UFSP2: variants seen among roughly 807,000 people sequenced by gnomAD.
The protein encoded by UFSP2 is UFM1 specific peptidase 2.
UFSP2 carries 43 observed loss-of-function variants against 60.2 expected under a neutral mutation model. The observed-to-expected ratio is 0.71, with a 90% CI of 0.56 to 0.92. UFSP2 has a LOEUF of 0.92. UFSP2 is among the 40% of genes least tolerant of loss of function. The pLI, the probability that UFSP2 is intolerant of heterozygous loss-of-function variation, is 0.00. For missense variants in UFSP2, 520 were observed against 575.0 expected, an observed-to-expected ratio of 0.90 and a Z score of 0.98; for synonymous variants, 183 against 195.1, an observed-to-expected ratio of 0.94 and a Z score of 0.52.
Position 185,399,618 on chromosome 4 carries a change from T to A in UFSP2, c.*774A>T. The A allele has an allele frequency of 6.2e-7, 1 of 1,614,218 alleles. No homozygotes were observed. Among genetic ancestry groups the A allele is most frequent in the Non-Finnish European group, 8.5e-7 (1 of 1,180,028 alleles). The stretch of plus-strand genomic sequence containing the variant: ...CAGCTGAAGATCTCGCTTGGTCATG[T>A]GGATTTCCAGACTGTGCCAAGTTTC... On this transcript the variant is annotated 3_prime_UTR_variant, in exon 12 of 12. Transcript: ENST00000264689.
At position 185,399,831 on chromosome 4, in the gene UFSP2, C is replaced by T; in HGVS notation, c.*561G>A. 6.2e-7 allele frequency: 1 copy of T among 1,603,058 alleles called. No individual in the cohort carries two copies. On this transcript the variant is annotated 3_prime_UTR_variant, in exon 12 of 12. Transcript: ENST00000264689. ...CCGCAGTGATCTCTTGTTTGCATAG[C>T]ATTTATTATTCCATTTAATACTGAC...
intron 1 of UFSP2, among the ~76,000 whole-genome samples, chr4:185,424,100 G>C (rs7695596): frequency 0.018 from 2,763 of 149,868 alleles, 93 homozygotes; most frequent in African/African-American, 0.065. Flanking sequence ...CCAGGAGTTA[G>C]AGACCAGACT....
At chr4:185,411,302 A>G (rs1313461996) in intron 7 of UFSP2, among the ~76,000 whole-genome samples, 1 of 152,174 alleles carries the variant, frequency 6.6e-6, no homozygotes, top group East Asian at 1.9e-4. Flanking sequence ...GCTACGCCAA[A>G]ATTGTTTTAC....
chr4:185,415,452 C>T, intron 5 of UFSP2, 105 bp from the exon 6 acceptor site: 3 of 1,012,162 alleles, frequency 3.0e-6, no homozygotes, highest in Non-Finnish European at 4.1e-6. Flanking sequence ...CTTGATTGGA[C>T]CAGGTTTGCT....
intron 4 of UFSP2, among the ~76,000 whole-genome samples, chr4:185,416,281 A>G (rs1230605546): frequency 6.6e-6 from 1 of 152,252 alleles, no homozygotes; most frequent in Non-Finnish European, 1.5e-5. Context: ...GGTTCGTTAC[A>G]TGATTCTCTC....
chr4:185,423,102 G>A (rs1224127051), intron 1 of UFSP2, among the ~76,000 whole-genome samples: 4 of 152,146 alleles, frequency 2.6e-5, no homozygotes, highest in Non-Finnish European at 5.9e-5. Context: ...CAAGTGATCC[G>A]CCTGTCTCGG....
In UFSP2 at chr4:185,425,315, T is replaced by C. The variant is rs141431217; in HGVS notation, c.3+551A>G. ...AGTTTGGAACTTGCTGAGCTTGAAA[T>C]ACATATGAGCTATCCAAGTGGAGGC... On this transcript the variant is annotated intron_variant, in intron 1 of 11. Transcript: ENST00000264689. Among the ~76,000 whole-genome samples, 15 of 152,140 alleles carry C rather than the reference T, an allele frequency of 9.9e-5. No homozygotes were observed. In the East Asian group the frequency reaches 2.9e-3, roughly 29 times the overall value.
chr4:185,424,397 G>T (rs978963048), intron 1 of UFSP2, among the ~76,000 whole-genome samples: 5 of 152,084 alleles, frequency 3.3e-5, no homozygotes, highest in African/African-American at 1.2e-4. Flanking sequence ...TATTAAATAG[G>T]TACCAATACA....
rs1430960179 is a variant in UFSP2, at chr4:185,422,548, T to C, written c.19A>G (p.Met7Val). ...CCTCTTATTCTGAAGAGTATATCCA[T>C]ACTTTCTGAAATCACCTAGAACAAA... MVISES[M>V]DILFRIRGGL... Residue 7 changes from methionine (M) to valine (V), a missense_variant, in exon 2 of 12, where the codon ATG becomes GTG. Physicochemically the swap from Met to Val is conservative, Grantham distance 21 (BLOSUM62 1). Transcript: ENST00000264689. 2 of 1,608,630 alleles carry C rather than the reference T, an allele frequency of 1.2e-6. No individual in the cohort carries two copies. The highest frequency in any genetic ancestry group is 1.7e-5 in the Admixed American group (1 of 58,416).
rs150505755 is a variant in UFSP2 at position 185,408,017 on chromosome 4, G to A, written c.1040C>T (p.Ser347Leu). The A allele has an allele frequency of 6.2e-6, 10 of 1,613,874 alleles. No homozygotes were observed. The highest frequency in any genetic ancestry group is 1.3e-5 in the African/African-American group (1 of 75,018). The change falls in exon 9 of 12, where the codon TCG becomes TTG. Residue 347 changes from serine (S) to leucine (L), a missense_variant. By Grantham distance (145) the Ser-to-Leu change is moderately radical. Transcript: ENST00000264689. ...AGDKPATFVGSRQWIGSIEVQ... is the reference protein window; with the variant it reads ...AGDKPATFVGLRQWIGSIEVQ... ...CTCAATAGATCCAATCCATTGCCGCGATCCGACAAATGTTGCTGGTTTGTC... is the reference window on the plus strand; with the variant it reads ...CTCAATAGATCCAATCCATTGCCGCAATCCGACAAATGTTGCTGGTTTGTC...
intron 10 of UFSP2, among the ~76,000 whole-genome samples, chr4:185,404,501 G>A (rs982588396): frequency 2.0e-5 from 3 of 151,938 alleles, no homozygotes; most frequent in Non-Finnish European, 2.9e-5. Context: ...GGGTTTCACT[G>A]TTAGCCAGGA....
chr4:185,415,610 G>C lies in UFSP2; in HGVS notation c.491+100C>G, dbSNP rs574705211. The C allele has an allele frequency of 1.7e-5, 19 of 1,105,184 alleles. No homozygotes were observed. In the East Asian group the frequency reaches 4.7e-4, roughly 27 times the overall value. 68.5% of individuals were successfully genotyped at this position (1,105,184 alleles called of 1,614,324 possible). On this transcript the variant is annotated intron_variant, in intron 5 of 11. Transcript: ENST00000264689. ...TGGCTCTTAGGTTAATAATAAACAA[G>C]GAGAAAATCACACCTTAGGTATACC...
intron 2 of UFSP2, among the ~76,000 whole-genome samples, chr4:185,421,149 A>C (rs2095548675): frequency 6.6e-6 from 1 of 152,224 alleles, no homozygotes; most frequent in South Asian, 2.1e-4. Flanking sequence ...TCTCTGTCCC[A>C]GAAATGTAGT....
At chr4:185,420,006 G>A (rs75237775) in intron 2 of UFSP2, among the ~76,000 whole-genome samples, 4,973 of 152,208 alleles carry the variant, frequency 0.033, 100 homozygotes, top group Middle Eastern at 0.072. Context: ...TTCAGCAGCC[G>A]CACCATTTTA....
intron 1 of UFSP2, among the ~76,000 whole-genome samples, chr4:185,423,558 T>C (rs2095553286): frequency 1.1e-5 from 1 of 90,096 alleles, no homozygotes; most frequent in African/African-American, 2.7e-5. Context: ...CAACAATAGA[T>C]TGGTTAAAAA....
In UFSP2 at chr4:185,408,375, T is replaced by G. The variant is rs1291326954; in HGVS notation, c.892A>C (p.Asn298His). ...GATCGATAAGCACAGCCCCAGCCAT[T>G]GTCATCTATGCGATCCTGCATATAA... Reference protein sequence around the residue: ...HHYMQDRIDDNGWGCAYRSLQ... With the variant: ...HHYMQDRIDDHGWGCAYRSLQ... Residue 298 changes from asparagine to histidine, a missense_variant, in exon 8 of 12, where the codon AAT becomes CAT. By Grantham distance (68) the Asn-to-His change is moderately conservative. Transcript: ENST00000264689. The G allele has an allele frequency of 1.9e-6, 3 of 1,614,162 alleles. No individual in the cohort carries two copies. Among genetic ancestry groups the G allele is most frequent in the Non-Finnish European group, 2.5e-6 (3 of 1,180,018 alleles).
intron 2 of UFSP2, among the ~76,000 whole-genome samples, chr4:185,419,193 G>A (rs995059279): frequency 2.6e-5 from 4 of 151,542 alleles, no homozygotes; most frequent in African/African-American, 4.9e-5. Flanking sequence ...GTGCAGTGGC[G>A]CGATCTGGGC....
At chr4:185,420,912 T>C (rs1178083117) in intron 2 of UFSP2, among the ~76,000 whole-genome samples, 2 of 152,254 alleles carry the variant, frequency 1.3e-5, no homozygotes, top group East Asian at 1.9e-4. Context: ...TATTGGATTA[T>C]CTACTGATTA....
chr4:185,421,907 C>A (rs1354833198), intron 2 of UFSP2, among the ~76,000 whole-genome samples: 1 of 152,192 alleles, frequency 6.6e-6, no homozygotes, highest in East Asian at 1.9e-4. Flanking sequence ...CAGCCAAATG[C>A]CTGTTGGGAA....
Sources: gnomAD v4.1 joint callset for allele counts (sites outside exome capture counted in the v4.1 genomes callset) on GRCh38, gnomAD v4.1.1 for gene constraint, MANE v1.5 for transcripts, NCBI Gene and HGNC (gene_info 2026-07-23, HGNC 2026-07-21) for gene names.